FGF14: variants seen among roughly 807,000 people sequenced by gnomAD.
FGF14 encodes fibroblast growth factor 14, also known as fibroblast growth factor homologous factor 4.
A neutral mutation model predicts 25.5 loss-of-function variants in FGF14; 5 were observed. The observed-to-expected ratio is 0.20, with a 90% CI of 0.10 to 0.41. The LOEUF (loss-of-function observed/expected upper bound fraction) is 0.41, where lower values mean the gene tolerates loss of function less well. Among genes scored for constraint, FGF14 ranks in the 10% least tolerant of loss-of-function variants. FGF14 has a pLI of 1.00. For missense variants in FGF14, 222 were observed against 320.1 expected (o/e 0.69, Z 2.34); for synonymous variants, 138 against 118.3 (o/e 1.17, Z -1.08).
intron 3 of FGF14, among the ~76,000 whole-genome samples, chr13:101,835,490 A>G (rs906375348): frequency 2.6e-5 from 4 of 152,038 alleles, no homozygotes; most frequent in Non-Finnish European, 5.9e-5. Flanking sequence ...TTATTGGTCG[A>G]CTATATCTTG....
chr13:102,111,166 C>A (rs76148017), intron 1 of FGF14, among the ~76,000 whole-genome samples: 1 of 152,122 alleles, frequency 6.6e-6, no homozygotes, highest in Non-Finnish European at 1.5e-5. Flanking sequence ...TTCCTCCACA[C>A]CCCTCAGCCA....
At chr13:101,956,492 T>A (rs1482062732) in intron 1 of FGF14, among the ~76,000 whole-genome samples, 1 of 152,178 alleles carries the variant, frequency 6.6e-6, no homozygotes, top group Non-Finnish European at 1.5e-5. Flanking sequence ...GGGAGACTGG[T>A]AGTTTATTGC....
At chr13:101,763,993 C>T (rs1346088204) in intron 3 of FGF14, among the ~76,000 whole-genome samples, 3 of 152,058 alleles carry the variant, frequency 2.0e-5, no homozygotes, top group Non-Finnish European at 4.4e-5. Flanking sequence ...TTTCCTTTTC[C>T]TCTCTAGTGT....
At chr13:102,056,665 T>G (rs1035059521) in intron 1 of FGF14, among the ~76,000 whole-genome samples, 1 of 151,928 alleles carries the variant, frequency 6.6e-6, no homozygotes, top group Non-Finnish European at 1.5e-5. Flanking sequence ...TGTATTTTTG[T>G]CTTAAATTTA....
intron 3 of FGF14, among the ~76,000 whole-genome samples, chr13:101,776,751 C>T (rs1027151429): frequency 5.3e-5 from 8 of 152,192 alleles, no homozygotes; most frequent in African/African-American, 9.6e-5. Context: ...TTAGTACATT[C>T]GGTATTCTTT....
chr13:102,357,647 A>C (rs760635126), intron 1 of FGF14, among the ~76,000 whole-genome samples: 16 of 152,312 alleles, frequency 1.1e-4, no homozygotes, highest in Non-Finnish European at 1.8e-4. Context: ...TGTGGACAGA[A>C]ATAATAGGGA....
chr13:102,281,756 A>G (rs1475739411), intron 1 of FGF14, among the ~76,000 whole-genome samples: 1 of 148,828 alleles, frequency 6.7e-6, no homozygotes, highest in East Asian at 2.0e-4. Context: ...TTCCAAAAAC[A>G]TTTCTCCAGA....
At chr13:102,110,998 T>C (rs2140321308) in intron 1 of FGF14, among the ~76,000 whole-genome samples, 1 of 152,350 alleles carries the variant, frequency 6.6e-6, no homozygotes. Context: ...AATCTGTTCC[T>C]GAGACCTTCA....
At chr13:102,255,328 C>T (rs926031908) in intron 1 of FGF14, among the ~76,000 whole-genome samples, 5 of 152,036 alleles carry the variant, frequency 3.3e-5, no homozygotes, top group Non-Finnish European at 5.9e-5. Context: ...CAGTCAGCCA[C>T]AAAACATGAA....
At chr13:101,972,439 G>T (rs931365256) in intron 1 of FGF14, among the ~76,000 whole-genome samples, 2 of 152,166 alleles carry the variant, frequency 1.3e-5, no homozygotes, top group Non-Finnish European at 2.9e-5. Flanking sequence ...CCATATTTTG[G>T]AATAAGGAAG....
rs138372945 is a variant in FGF14, at chr13:101,966,687, T to C, written c.209-91391A>G. Among the ~76,000 whole-genome samples the C allele has an allele frequency of 4.3e-3, 650 of 152,246 alleles. 9 individuals carry two copies. The highest frequency in any genetic ancestry group is 0.015 in the African/African-American group (613 of 41,550). ...TAGTAGAGATGGGGTTTCACCATGTTGGTCAGGCTGGTCTCGAACCCCTGA... is the reference window on the plus strand; with the variant it reads ...TAGTAGAGATGGGGTTTCACCATGTCGGTCAGGCTGGTCTCGAACCCCTGA... On this transcript the variant is annotated intron_variant, in intron 1 of 4. Coordinates refer to the FGF14 transcript ENST00000376131.
intron 1 of FGF14, among the ~76,000 whole-genome samples, chr13:102,392,395 TA>T (rs1438698771): frequency 6.6e-6 from 1 of 152,206 alleles, no homozygotes; most frequent in Non-Finnish European, 1.5e-5. Context: ...CATAATCGTT[TA>T]AAAAAATCAT....
rs200208275 is a variant in FGF14 at position 101,902,249 on chromosome 13, CT to C, written c.193+14203del. ...CTACATTTTAGAGGTTTATCGCTCC[CT>C]TTTTTTTATTATATTATTATTTTCT... On this transcript the variant is annotated intron_variant, in intron 1 of 4. Coordinates refer to ENST00000376143, the MANE Select transcript of FGF14 (RefSeq NM_004115.4). 8.4e-3 allele frequency among the ~76,000 whole-genome samples: 1,278 copies of C among 151,982 alleles called. 14 individuals carry two copies. The highest frequency in any genetic ancestry group is 0.028 in the African/African-American group (1,179 of 41,456).
chr13:101,884,622 T>C (rs2045894681), intron 1 of FGF14, among the ~76,000 whole-genome samples: 1 of 152,176 alleles, frequency 6.6e-6, no homozygotes, highest in South Asian at 2.1e-4. Flanking sequence ...CCAATACTCC[T>C]AGCTATCCTG....
intron 1 of FGF14, among the ~76,000 whole-genome samples, chr13:101,902,073 C>A (rs1301122599): frequency 6.6e-6 from 1 of 151,998 alleles, no homozygotes; most frequent in Non-Finnish European, 1.5e-5. Context: ...TTACTTGAAA[C>A]CATAGGAATA....
chr13:102,290,655 A>G (rs2054339200), intron 1 of FGF14, among the ~76,000 whole-genome samples: 2 of 152,146 alleles, frequency 1.3e-5, no homozygotes, highest in South Asian at 4.1e-4. Flanking sequence ...GCACCAATGT[A>G]GTATTGTGTC....
chr13:102,276,050 G>T (rs1331370232), intron 1 of FGF14, among the ~76,000 whole-genome samples: 1 of 151,838 alleles, frequency 6.6e-6, no homozygotes, highest in Non-Finnish European at 1.5e-5. Flanking sequence ...AAGCATTGTA[G>T]AATATGAAAT....
chr13:101,806,601 GA>G (rs1052520787), intron 3 of FGF14, among the ~76,000 whole-genome samples: 3 of 151,938 alleles, frequency 2.0e-5, no homozygotes, highest in Non-Finnish European at 2.9e-5. Context: ...TATATTTTAT[GA>G]AAAAGGGACA....
intron 1 of FGF14, among the ~76,000 whole-genome samples, chr13:101,941,320 C>T (rs2035435455): frequency 6.6e-6 from 1 of 152,164 alleles, no homozygotes; most frequent in Non-Finnish European, 1.5e-5. Context: ...AGCAAGATTC[C>T]ACACTAGCTC....
Sources: allele counts gnomAD v4.1 joint callset (sites outside exome capture counted in the v4.1 genomes callset), GRCh38; gene constraint gnomAD v4.1.1; transcripts MANE v1.5; gene names NCBI Gene and HGNC (gene_info 2026-07-23, HGNC 2026-07-21).